DNAH7: variants seen among roughly 807,000 people sequenced by gnomAD.
DNAH7 encodes dynein axonemal heavy chain 7, also known as axonemal beta dynein heavy chain 7.
Under a neutral mutation model 444.6 loss-of-function variants are expected in DNAH7, and 397 were observed. The observed-to-expected ratio is 0.89, with a 90% CI of 0.82 to 0.97. DNAH7 has a LOEUF of 0.97. Ranked by LOEUF, DNAH7 falls within the 50% of genes least tolerant of loss-of-function variation. DNAH7 has a pLI of 0.00. For missense variants in DNAH7, 4,902 were observed against 4,800.8 expected (o/e 1.02, Z -0.62); for synonymous variants, 1,636 against 1,624.4 (o/e 1.01, Z -0.17).
chr2:195,937,669 T>C (rs1023961155), intron 19 of DNAH7, among the ~76,000 whole-genome samples: 5 of 152,292 alleles, frequency 3.3e-5, no homozygotes, highest in African/African-American at 9.6e-5. Flanking sequence ...AGCCTAGATA[T>C]AGTTGAAATA....
chr2:195,768,667 T>G (rs577154186), intron 61 of DNAH7, among the ~76,000 whole-genome samples: 29 of 152,262 alleles, frequency 1.9e-4, no homozygotes, highest in African/African-American at 6.3e-4. Context: ...GCCTGATGAC[T>G]AACCTGCCAA....
chr2:195,810,653 A>C, intron 51 of DNAH7, among the ~76,000 whole-genome samples: 1 of 145,728 alleles, frequency 6.9e-6, no homozygotes. Context: ...ACTTTTCCTT[A>C]CGTGCCTATT....
At chr2:196,023,782 T>C (rs1370024034) in intron 8 of DNAH7, among the ~76,000 whole-genome samples, 1 of 152,230 alleles carries the variant, frequency 6.6e-6, no homozygotes, top group Non-Finnish European at 1.5e-5. Flanking sequence ...GCTTTCAACA[T>C]GTCTTCCTCA....
chr2:195,805,009 C>G (rs1160571807), intron 54 of DNAH7, among the ~76,000 whole-genome samples: 1 of 152,144 alleles, frequency 6.6e-6, no homozygotes, highest in South Asian at 2.1e-4. Context: ...ACAAACCAAC[C>G]TGTCCCCCAC....
chr2:195,941,064 C>T (rs926227086), intron 19 of DNAH7, among the ~76,000 whole-genome samples: 1 of 152,064 alleles, frequency 6.6e-6, no homozygotes, highest in Admixed American at 6.6e-5. Flanking sequence ...CATAAAGCCA[C>T]AAGCACACGT....
rs779595608 is a variant in DNAH7, at chr2:195,987,133, G to A, written c.1687C>T (p.Arg563Ter). 7.5e-6 allele frequency: 12 copies of A among 1,607,470 alleles called. No homozygotes were observed. The highest frequency in any genetic ancestry group is 6.7e-5 in the South Asian group (6 of 89,782). The stretch of plus-strand genomic sequence containing the variant: ...AGTTTCCCACAAATAATATCTGCTC[G>A]CTTCACCAAAGCTCTGATTAATTCC... Reference protein sequence around the residue: ...CEELIRALVKRADIICGKLLA... With the variant: ...CEELIRALVK Residue 563 changes from arginine (R) to a stop codon, truncating the protein, a stop_gained, in exon 14 of 65, where the codon CGA (arginine) becomes TGA (stop). Transcript: ENST00000312428. LOFTEE classifies it high-confidence loss of function.
In DNAH7 at chr2:195,861,886, A is replaced by C; in HGVS notation, c.7567T>G (p.Ser2523Ala). The C allele has an allele frequency of 6.2e-7, 1 of 1,613,984 alleles. No individual in the cohort carries two copies. The highest frequency in any genetic ancestry group is 8.5e-7 in the Non-Finnish European group (1 of 1,179,894). Residue 2523 changes from serine to alanine, a missense_variant, in exon 42 of 65, where the codon TCA becomes GCA. By Grantham distance (99) the Ser-to-Ala change is moderately conservative. Coordinates refer to ENST00000312428, the MANE Select transcript of DNAH7 (RefSeq NM_018897.3). Reference protein sequence around the residue: ...ASRFLEEIEMSEEIRDGCIDM... With the variant: ...ASRFLEEIEMAEEIRDGCIDM... ...ATACAGCCATCTCGTATTTCCTCTG[A>C]CATTTCAATTTCTTCCAAGAATCGT... is the stretch of plus-strand genomic sequence containing the variant.
At chr2:195,933,928 A>T (rs1688873724) in intron 21 of DNAH7, among the ~76,000 whole-genome samples, 1 of 152,066 alleles carries the variant, frequency 6.6e-6, no homozygotes, top group Admixed American at 6.6e-5. Context: ...ATTTAAAATT[A>T]ATTAATTAGT....
chr2:195,999,840 C>A (rs1693926768), intron 12 of DNAH7, among the ~76,000 whole-genome samples: 1 of 152,048 alleles, frequency 6.6e-6, no homozygotes, highest in South Asian at 2.1e-4. Flanking sequence ...AAGATGCTTC[C>A]ACTTATACAA....
At chr2:195,956,797 G>T (rs577300131) in intron 19 of DNAH7, among the ~76,000 whole-genome samples, 14 of 151,558 alleles carry the variant, frequency 9.2e-5, no homozygotes, top group Non-Finnish European at 1.8e-4. Flanking sequence ...CATTTTATTT[G>T]CATTTATTGG....
At chr2:196,048,057 G>A (rs1460036950) in intron 4 of DNAH7, among the ~76,000 whole-genome samples, 2 of 151,956 alleles carry the variant, frequency 1.3e-5, no homozygotes, top group African/African-American at 2.4e-5. Flanking sequence ...ATAAATAAAC[G>A]TTTTAGTATC....
chr2:195,980,886 T>C (rs1188325565), intron 15 of DNAH7, among the ~76,000 whole-genome samples: 1 of 151,632 alleles, frequency 6.6e-6, no homozygotes, highest in East Asian at 1.9e-4. Context: ...TCACAGCTAG[T>C]ATCATACTGA....
At chr2:195,990,496 C>T (rs1693224642) in intron 12 of DNAH7, among the ~76,000 whole-genome samples, 1 of 151,972 alleles carries the variant, frequency 6.6e-6, no homozygotes, top group Non-Finnish European at 1.5e-5. Context: ...AACCCCATCT[C>T]TACAAAAAAC....
intron 42 of DNAH7, 40 bp from the exon 43 acceptor site, chr2:195,858,844 C>T: frequency 6.6e-7 from 1 of 1,514,504 alleles, no homozygotes. Flanking sequence ...TCATGAGGCT[C>T]TGTATCCTAC....
chr2:195,897,672 A>G lies in DNAH7; in HGVS notation c.4642T>C (p.Phe1548Leu), dbSNP rs368179288. Residue 1548 changes from phenylalanine to leucine, a missense_variant, in exon 29 of 65, where the codon TTT becomes CTT. Transcript: ENST00000312428. ...GGGATAATGAATGTTCTTACCTCAAAGAGTGGTAAATCATGGGATAAAAAT... is the reference window on the plus strand; with the variant it reads ...GGGATAATGAATGTTCTTACCTCAAGGAGTGGTAAATCATGGGATAAAAAT... The part of the protein sequence containing the change: ...PKFLSHDLPL[F>L]EGITSDLFPG... 1.9e-5 allele frequency: 30 copies of G among 1,566,922 alleles called. No individual in the cohort carries two copies. Among genetic ancestry groups the G allele is most frequent in the African/African-American group, 1.8e-4 (13 of 73,634 alleles).
At chr2:195,935,259 G>A (rs1180732747) in intron 20 of DNAH7, among the ~76,000 whole-genome samples, 1 of 152,172 alleles carries the variant, frequency 6.6e-6, no homozygotes, top group Admixed American at 6.6e-5. Flanking sequence ...TAAATCAACT[G>A]CGTTGACAGT....
Position 195,754,353 on chromosome 2 carries a change from C to T in DNAH7, c.11748G>A (p.Lys3916=). 1 of 1,613,862 alleles carries T rather than the reference C, an allele frequency of 6.2e-7. No homozygotes were observed. Among genetic ancestry groups the T allele is most frequent in the Non-Finnish European group, 8.5e-7 (1 of 1,179,844 alleles). ...DYEVMEDKEY[K]HPPEDGVFIH... ...TGCACTTACCATCCTCAGGAGGATG[C>T]TTGTATTCTTTGTCTTCCATCACTT... The change falls in exon 63 of 65, where the codon AAG becomes AAA. Residue 3916 remains lysine, a synonymous_variant. Coordinates refer to ENST00000312428, the MANE Select transcript of DNAH7 (RefSeq NM_018897.3).
chr2:195,931,313 T>C (rs1337752318), intron 21 of DNAH7, among the ~76,000 whole-genome samples: 4 of 152,192 alleles, frequency 2.6e-5, no homozygotes, highest in Non-Finnish European at 5.9e-5. Context: ...TTGTAGATTC[T>C]GGATATTAGG....
chr2:195,979,317 G>A (rs1283939550), intron 15 of DNAH7, among the ~76,000 whole-genome samples: 2 of 151,928 alleles, frequency 1.3e-5, no homozygotes, highest in African/African-American at 2.4e-5. Context: ...AGTAACAAGA[G>A]GAATTTTGGA....
Sources: allele counts gnomAD v4.1 joint callset (sites outside exome capture counted in the v4.1 genomes callset), GRCh38; gene constraint gnomAD v4.1.1; transcripts MANE v1.5; gene names NCBI Gene and HGNC (gene_info 2026-07-23, HGNC 2026-07-21).